MED23: variants seen among roughly 807,000 people sequenced by gnomAD.
The protein encoded by MED23 is mediator of RNA polymerase II transcription subunit 23.
In MED23, 105 loss-of-function variants were observed where a neutral mutation model predicts 163.9. That is an observed-to-expected ratio of 0.64 (90% CI 0.55 to 0.75). The LOEUF is 0.75. Ranked by LOEUF, MED23 falls within the 30% of genes least tolerant of loss-of-function variation. The probability of loss-of-function intolerance (pLI) is 0.00; values close to 1 mark genes in which losing one functional copy is unlikely to be tolerated. For synonymous variants in MED23, 561 were observed against 565.6 expected (o/e 0.99, Z 0.12); for missense variants, 1,054 against 1,649.0 (o/e 0.64, Z 6.25).
chr6:131,590,709 A>T (rs546901702), intron 26 of MED23, among the ~76,000 whole-genome samples: 68 of 151,932 alleles, frequency 4.5e-4, no homozygotes, highest in Non-Finnish European at 9.6e-4. Flanking sequence ...GCTCACTGCA[A>T]CCTCCGCCTC....
chr6:131,628,153 G>A lies in MED23; in HGVS notation c.-104C>T. 1.5e-6 allele frequency: 2 copies of A among 1,355,356 alleles called. No individual in the cohort carries two copies. Among genetic ancestry groups the A allele is most frequent in the East Asian group, 2.3e-5 (1 of 43,636 alleles). 84.0% of individuals were successfully genotyped at this position (1,355,356 alleles called of 1,614,324 possible). A position where few individuals can be genotyped will look rare whatever the true frequency, so the allele number is the denominator to read the frequency against. ...GGGGCGGAGACCTCTGGAGGAAACC[G>A]TAGCTCCTCGGCGTCGCTTCCTCCC... On this transcript the variant is annotated 5_prime_UTR_variant, in exon 1 of 29. In the 5' UTR this introduces an upstream ATG that the reference lacks. Transcript: ENST00000368068.
chr6:131,595,235 C>A (rs1774961137), intron 22 of MED23, among the ~76,000 whole-genome samples: 1 of 152,204 alleles, frequency 6.6e-6, no homozygotes, highest in African/African-American at 2.4e-5. Context: ...CTCCTTATAA[C>A]CAGCCAATCA....
At chr6:131,593,710 C>T (rs570200748) in intron 23 of MED23, among the ~76,000 whole-genome samples, 1 of 152,082 alleles carries the variant, frequency 6.6e-6, no homozygotes, top group Admixed American at 6.5e-5. Flanking sequence ...TATATTTTAT[C>T]ATTTATTATT....
intron 30 of MED23, among the ~76,000 whole-genome samples, chr6:131,574,933 C>T (rs1327364757): frequency 1.3e-5 from 2 of 152,152 alleles, no homozygotes; most frequent in Non-Finnish European, 1.5e-5. Flanking sequence ...GATTCCAATG[C>T]CTATGCCCTT....
At chr6:131,592,615 G>A in intron 24 of MED23, 155 bp from the exon 25 acceptor site, 1 of 697,298 alleles carries the variant, frequency 1.4e-6, no homozygotes, top group South Asian at 1.7e-5. Context: ...GAATAAAAAT[G>A]TAATATGCAT....
intron 10 of MED23, 135 bp downstream of exon 10, chr6:131,615,772 A>C: frequency 1.4e-6 from 1 of 706,040 alleles, no homozygotes; most frequent in South Asian, 1.6e-5. Context: ...TACATTGTTT[A>C]AAAAACCATG....
chr6:131,579,302 G>C, intron 30 of MED23: 1 of 1,613,552 alleles, frequency 6.2e-7, no homozygotes, highest in Non-Finnish European at 8.5e-7. Flanking sequence ...TTGAATAACT[G>C]TGTCTATGGG....
At chr6:131,617,819 A>G (rs1562400621) in intron 9 of MED23, among the ~76,000 whole-genome samples, 1 of 152,230 alleles carries the variant, frequency 6.6e-6, no homozygotes, top group Non-Finnish European at 1.5e-5. Context: ...CTTAAAGGGT[A>G]TATCAAAATT....
intron 1 of MED23, 44 bp downstream of exon 1, chr6:131,627,967 C>G: frequency 1.9e-6 from 3 of 1,613,392 alleles, no homozygotes; most frequent in Non-Finnish European, 2.5e-6. Context: ...CCGCGTCTCC[C>G]CGTCCCCAAG....
At chr6:131,611,915 T>G (rs1776303652) in intron 10 of MED23, among the ~76,000 whole-genome samples, 1 of 152,122 alleles carries the variant, frequency 6.6e-6, no homozygotes, top group Non-Finnish European at 1.5e-5. Flanking sequence ...TATTAGCTAT[T>G]TAAGAAAAAA....
intron 21 of MED23, 144 bp downstream of exon 21, chr6:131,596,374 T>G (rs901499341): frequency 4.9e-6 from 5 of 1,020,764 alleles, no homozygotes; most frequent in Non-Finnish European, 7.4e-6. Context: ...CTCTCAAACC[T>G]TGAAGAAGTT....
Position 131,594,271 on chromosome 6 carries a change from T to A in MED23, c.3060A>T (p.Ala1020=), listed in dbSNP as rs770130466. ...HYYEMHLRDR[A]FLKRKLVHAI... ...CATGGACGAGTTTTCGTTTGAGAAATGCGCGGTCTCTCAGGTGCATTTCAT... is the reference window on the plus strand; with the variant it reads ...CATGGACGAGTTTTCGTTTGAGAAAAGCGCGGTCTCTCAGGTGCATTTCAT... The change falls in exon 23 of 29, where the codon GCA becomes GCT. Residue 1020 remains alanine, a synonymous_variant. Coordinates refer to ENST00000368068, the MANE Select transcript of MED23 (RefSeq NM_004830.4). The A allele has an allele frequency of 6.2e-7, 1 of 1,614,106 alleles. No individual in the cohort carries two copies. The highest frequency in any genetic ancestry group is 1.1e-5 in the South Asian group (1 of 91,086).
At chr6:131,606,287 A>T (rs924691700) in intron 13 of MED23, among the ~76,000 whole-genome samples, 192 bp downstream of exon 13, 1 of 152,098 alleles carries the variant, frequency 6.6e-6, no homozygotes, top group Non-Finnish European at 1.5e-5. Context: ...AGCAAGACTA[A>T]CCTTGTAGCT....
intron 24 of MED23, chr6:131,592,679 C>A: frequency 3.3e-6 from 2 of 602,254 alleles, no homozygotes; most frequent in Non-Finnish European, 5.8e-6. Flanking sequence ...TTATCCCATA[C>A]TTCATGCTAA....
intron 27 of MED23, among the ~76,000 whole-genome samples, chr6:131,589,819 T>C (rs1256968748): frequency 3.3e-5 from 5 of 152,166 alleles, no homozygotes; most frequent in African/African-American, 1.2e-4. Flanking sequence ...TTAAATAAAA[T>C]TTCTCTTCAT....
At chr6:131,600,580 G>A (rs1274596534) in intron 17 of MED23, among the ~76,000 whole-genome samples, 1 of 152,136 alleles carries the variant, frequency 6.6e-6, no homozygotes, top group Non-Finnish European at 1.5e-5. Context: ...GAATTGAAGA[G>A]GGTTCTTTAT....
chr6:131,599,265 GC>G (rs1775292561), intron 18 of MED23, among the ~76,000 whole-genome samples: 1 of 152,206 alleles, frequency 6.6e-6, no homozygotes, highest in Non-Finnish European at 1.5e-5. Flanking sequence ...AGCTTAGCAA[GC>G]CCTCCAGGTG....
downstream of MED23, chr6:131,583,130 G>A (rs1280581278): frequency 1.2e-6 from 2 of 1,613,978 alleles, no homozygotes; most frequent in African/African-American, 1.3e-5. Flanking sequence ...AATTGGCAAG[G>A]TGATGGAAGA....
At chr6:131,609,506 CTTTTT>C in intron 11 of MED23, among the ~76,000 whole-genome samples, 1 of 98,020 alleles carries the variant, frequency 1.0e-5, no homozygotes, top group East Asian at 3.0e-4. Context: ...GAGACTATTC[CTTTTT>C]TTTTTTTTTT....
Sources: allele counts gnomAD v4.1 joint callset (sites outside exome capture counted in the v4.1 genomes callset), GRCh38; gene constraint gnomAD v4.1.1; transcripts MANE v1.5; gene names NCBI Gene and HGNC (gene_info 2026-07-23, HGNC 2026-07-21).